Variants in TNFSF4 observed in about 807,000 individuals in gnomAD.
TNFSF4 encodes tumor necrosis factor ligand superfamily member 4.
TNFSF4 carries 4 observed loss-of-function variants against 7.3 expected under a neutral mutation model. That is an observed-to-expected ratio of 0.55 (90% CI 0.27 to 1.25). The LOEUF (loss-of-function observed/expected upper bound fraction) is 1.25. Ranked by LOEUF, TNFSF4 falls within the 50% of genes most tolerant of loss-of-function variation. The probability of loss-of-function intolerance (pLI) is 0.12; values close to 1 mark genes in which losing one functional copy is unlikely to be tolerated. For missense variants in TNFSF4, 181 were observed against 208.8 expected (o/e 0.87, Z 0.82); for synonymous variants, 76 against 83.7 (o/e 0.91, Z 0.50).
chr1:173,257,462 T>G, the TNFSF4 span, among the ~76,000 whole-genome samples: 9 of 152,230 alleles, frequency 5.9e-5, no homozygotes. Context: ...AGGCGCCAGC[T>G]GCAAGTGCAG....
At chr1:173,364,870 A>G in the TNFSF4 span, among the ~76,000 whole-genome samples, 2 of 152,110 alleles carry the variant, frequency 1.3e-5, no homozygotes, top group African/African-American at 2.4e-5. Flanking sequence ...TTAAGAAAAA[A>G]ATATATAAAA....
At chr1:173,369,575 G>T in the TNFSF4 span, among the ~76,000 whole-genome samples, 7 of 152,180 alleles carry the variant, frequency 4.6e-5, no homozygotes, top group East Asian at 1.9e-4. Flanking sequence ...ACTATGGGTG[G>T]TTTTTTTCTT....
the TNFSF4 span, among the ~76,000 whole-genome samples, chr1:173,421,615 A>G: frequency 6.6e-6 from 1 of 152,198 alleles, no homozygotes; most frequent in South Asian, 2.1e-4. Context: ...AGTCACTGAA[A>G]GACAAATTCT....
chr1:173,215,008 T>G, the TNFSF4 span, among the ~76,000 whole-genome samples: 1 of 151,980 alleles, frequency 6.6e-6, no homozygotes, highest in South Asian at 2.1e-4. Flanking sequence ...GACCCCAAAT[T>G]CATATGTTGA....
chr1:173,264,778 C>G, the TNFSF4 span, among the ~76,000 whole-genome samples: 1 of 152,164 alleles, frequency 6.6e-6, no homozygotes, highest in Non-Finnish European at 1.5e-5. Flanking sequence ...AATTTTGTTG[C>G]TGAATGCAGT....
the TNFSF4 span, among the ~76,000 whole-genome samples, chr1:173,425,292 T>C: frequency 5.3e-4 from 80 of 152,312 alleles, 1 homozygote; most frequent in Middle Eastern, 3.4e-3. Flanking sequence ...AGAATAGCTG[T>C]TTCTGTGTGA....
chr1:173,264,681 T>G, the TNFSF4 span, among the ~76,000 whole-genome samples: 1 of 152,230 alleles, frequency 6.6e-6, no homozygotes, highest in Non-Finnish European at 1.5e-5. Context: ...AACAAAATGT[T>G]AATATGCATT....
chr1:173,389,601 A>G, the TNFSF4 span, among the ~76,000 whole-genome samples: 1 of 152,184 alleles, frequency 6.6e-6, no homozygotes, highest in Non-Finnish European at 1.5e-5. Flanking sequence ...AAATGTATAA[A>G]AGTCACCTTA....
chr1:173,314,838 G>A, the TNFSF4 span, among the ~76,000 whole-genome samples: 1 of 152,144 alleles, frequency 6.6e-6, no homozygotes, highest in East Asian at 1.9e-4. Flanking sequence ...CCCTCAAAGA[G>A]CCATTCATCT....
the TNFSF4 span, among the ~76,000 whole-genome samples, chr1:173,330,157 T>C: frequency 6.6e-6 from 1 of 152,278 alleles, no homozygotes; most frequent in Non-Finnish European, 1.5e-5. Flanking sequence ...ACCCACTTTG[T>C]TGGCCAGAAA....
the TNFSF4 span, among the ~76,000 whole-genome samples, chr1:173,231,149 G>A: frequency 6.6e-6 from 1 of 151,520 alleles, no homozygotes; most frequent in African/African-American, 2.4e-5. Context: ...CAAAAAAAGA[G>A]AATTTTAGAC....
the TNFSF4 span, among the ~76,000 whole-genome samples, chr1:173,313,700 C>G: frequency 1.3e-5 from 2 of 152,044 alleles, no homozygotes; most frequent in Non-Finnish European, 2.9e-5. Flanking sequence ...CGATAGTTCT[C>G]TTAATGACTT....
the TNFSF4 span, among the ~76,000 whole-genome samples, chr1:173,365,602 A>G: frequency 1.3e-5 from 2 of 152,218 alleles, no homozygotes; most frequent in African/African-American, 4.8e-5. Context: ...TCATTGTAGT[A>G]GCATTTTGTG....
chr1:173,316,869 G>T, the TNFSF4 span, among the ~76,000 whole-genome samples: 1 of 152,002 alleles, frequency 6.6e-6, no homozygotes, highest in East Asian at 1.9e-4. Flanking sequence ...TTTCTCCCAT[G>T]TTTTCCTCTA....
the TNFSF4 span, among the ~76,000 whole-genome samples, chr1:173,217,170 C>T: frequency 6.6e-6 from 1 of 152,158 alleles, no homozygotes; most frequent in Non-Finnish European, 1.5e-5. Flanking sequence ...TGCTTGTCTC[C>T]CCTGGGTGGA....
the TNFSF4 span, among the ~76,000 whole-genome samples, chr1:173,404,897 G>A: frequency 6.6e-6 from 1 of 151,986 alleles, no homozygotes; most frequent in African/African-American, 2.4e-5. Context: ...CTTCCTAAGT[G>A]CTGGGATTAC....
At chr1:173,425,258 A>G in the TNFSF4 span, among the ~76,000 whole-genome samples, 12 of 152,354 alleles carry the variant, frequency 7.9e-5, no homozygotes, top group African/African-American at 2.2e-4. Context: ...GGTTAAGGGT[A>G]TTACTGACTT....
At chr1:173,413,180 A>G in the TNFSF4 span, among the ~76,000 whole-genome samples, 1 of 152,186 alleles carries the variant, frequency 6.6e-6, no homozygotes, top group Non-Finnish European at 1.5e-5. Context: ...ACCTTTAGCA[A>G]GTGGAGCTGG....
At chr1:173,328,673 A>C in the TNFSF4 span, among the ~76,000 whole-genome samples, 55 of 152,032 alleles carry the variant, frequency 3.6e-4, no homozygotes, top group Non-Finnish European at 6.8e-4. Context: ...CCCAGAACTT[A>C]AAGTAAAATT....
Sources: allele counts gnomAD v4.1 joint callset (sites outside exome capture counted in the v4.1 genomes callset), GRCh38; gene constraint gnomAD v4.1.1; transcripts MANE v1.5; gene names NCBI Gene and HGNC (gene_info 2026-07-23, HGNC 2026-07-21).